SHISA6: variants seen among roughly 807,000 people sequenced by gnomAD.
SHISA6 encodes the protein protein shisa-6.
In SHISA6, 22 loss-of-function variants were observed where a neutral mutation model predicts 47.9. The observed-to-expected ratio is 0.46, with a 90% CI of 0.33 to 0.66. The LOEUF is 0.66. Among genes scored for constraint, SHISA6 ranks in the 30% least tolerant of loss-of-function variants. The pLI is 0.02. For synonymous variants in SHISA6, 388 were observed against 337.8 expected (o/e 1.15, Z -1.63); for missense variants, 680 against 764.6 (o/e 0.89, Z 1.30).
At chr17:11,296,305 A>T (rs534069128) in intron 2 of SHISA6, among the ~76,000 whole-genome samples, 1 of 152,288 alleles carries the variant, frequency 6.6e-6, no homozygotes, top group African/African-American at 2.4e-5. Flanking sequence ...ACTAGTTAAG[A>T]TTATAAGAGT....
At chr17:11,302,896 T>C (rs1420654152) in intron 2 of SHISA6, among the ~76,000 whole-genome samples, 2 of 151,798 alleles carry the variant, frequency 1.3e-5, no homozygotes, top group Non-Finnish European at 2.9e-5. Flanking sequence ...AAATGAGAGG[T>C]TTCTAGATGA....
At chr17:11,527,733 G>A (rs570079906) in intron 3 of SHISA6, among the ~76,000 whole-genome samples, 1 of 152,166 alleles carries the variant, frequency 6.6e-6, no homozygotes, top group South Asian at 2.1e-4. Context: ...ATTCTAGAAT[G>A]GTAGAATTAA....
chr17:11,299,619 C>G (rs1909854505), intron 2 of SHISA6, among the ~76,000 whole-genome samples: 1 of 152,126 alleles, frequency 6.6e-6, no homozygotes, highest in African/African-American at 2.4e-5. Flanking sequence ...CTTGCCTGTT[C>G]CAGCTTCTAG....
At chr17:11,417,845 T>A (rs1310231147) in intron 3 of SHISA6, among the ~76,000 whole-genome samples, 3 of 152,174 alleles carry the variant, frequency 2.0e-5, no homozygotes, top group African/African-American at 7.2e-5. Flanking sequence ...AGATAAGAGA[T>A]CTAGGAAAAT....
intron 3 of SHISA6, among the ~76,000 whole-genome samples, chr17:11,465,277 T>C (rs1364063633): frequency 1.3e-5 from 2 of 152,236 alleles, no homozygotes; most frequent in African/African-American, 4.8e-5. Flanking sequence ...GCATCGGCTA[T>C]AGCAATTGTG....
At chr17:11,497,527 G>A (rs1054847987) in intron 3 of SHISA6, among the ~76,000 whole-genome samples, 1 of 152,148 alleles carries the variant, frequency 6.6e-6, no homozygotes, top group African/African-American at 2.4e-5. Context: ...CTCCCTCCTC[G>A]ACACTTTAGA....
At chr17:11,261,947 G>T (rs1042638147) in intron 1 of SHISA6, among the ~76,000 whole-genome samples, 1 of 152,138 alleles carries the variant, frequency 6.6e-6, no homozygotes, top group Admixed American at 6.6e-5. Flanking sequence ...GTGTATGAAG[G>T]CTCCAATTTC....
At chr17:11,284,491 GC>G (rs1288040090) in intron 2 of SHISA6, among the ~76,000 whole-genome samples, 5 of 152,148 alleles carry the variant, frequency 3.3e-5, no homozygotes, top group Middle Eastern at 3.2e-3. Context: ...CACATATATT[GC>G]TGCCCCAAAT....
intron 2 of SHISA6, among the ~76,000 whole-genome samples, chr17:11,287,691 A>AAAGGG (rs1567561420): frequency 3.6e-3 from 9 of 2,490 alleles, no homozygotes; most frequent in Admixed American, 0.013. Context: ...AGAGAGAGAG[A>AAAGGG]GAAAGGGGAA....
At chr17:11,398,591 T>G (rs1482270967) in intron 3 of SHISA6, among the ~76,000 whole-genome samples, 2 of 150,680 alleles carry the variant, frequency 1.3e-5, no homozygotes, top group Non-Finnish European at 2.9e-5. Flanking sequence ...TTTGTTTGCT[T>G]GTTTTTTTGT....
At chr17:11,545,554 C>T (rs959481169) in intron 3 of SHISA6, among the ~76,000 whole-genome samples, 4 of 152,142 alleles carry the variant, frequency 2.6e-5, no homozygotes, top group African/African-American at 9.7e-5. Context: ...TACACAGGAT[C>T]TTTCTGTATT....
Position 11,378,116 on chromosome 17 carries a change from T to C in SHISA6, c.800-1298T>C, listed in dbSNP as rs372532068. Among the ~76,000 whole-genome samples, 7 of 152,306 alleles carry C rather than the reference T, an allele frequency of 4.6e-5. No individual in the cohort carries two copies. The South Asian group carries it at 1.0e-3, about 23-fold the overall frequency. On this transcript the variant is annotated intron_variant, in intron 2 of 5. Coordinates refer to ENST00000441885, the MANE Select transcript of SHISA6 (RefSeq NM_207386.4). The stretch of plus-strand genomic sequence containing the variant: ...CAATCTACTGATCCAGAAAGTGGCA[T>C]TACAAAAAATCACGCTTTGTGTTGT...
intron 2 of SHISA6, among the ~76,000 whole-genome samples, chr17:11,353,520 G>A: frequency 6.6e-6 from 1 of 151,180 alleles, no homozygotes; most frequent in East Asian, 1.9e-4. Context: ...TAACTTCATA[G>A]CTTAAGCTAC....
intron 2 of SHISA6, among the ~76,000 whole-genome samples, chr17:11,266,411 G>A (rs747970453): frequency 6.6e-6 from 1 of 152,180 alleles, no homozygotes; most frequent in African/African-American, 2.4e-5. Flanking sequence ...ATGAGAACCT[G>A]TAATTTGGTG....
At chr17:11,515,356 GGAAGGA>G (rs2071577064) in intron 3 of SHISA6, among the ~76,000 whole-genome samples, 1 of 149,788 alleles carries the variant, frequency 6.7e-6, no homozygotes, top group South Asian at 2.1e-4. Context: ...AAGGAAGGAA[GGAAGGA>G]AGGGAGAGAA....
chr17:11,507,589 C>A (rs559817936), intron 3 of SHISA6, among the ~76,000 whole-genome samples: 2 of 152,320 alleles, frequency 1.3e-5, no homozygotes, highest in African/African-American at 4.8e-5. Context: ...TCCTCTTTCC[C>A]TGGATCTCTG....
At chr17:11,306,017 G>C (rs1910097720) in intron 2 of SHISA6, among the ~76,000 whole-genome samples, 2 of 152,156 alleles carry the variant, frequency 1.3e-5, no homozygotes, top group African/African-American at 4.8e-5. Flanking sequence ...CTGCCACCGT[G>C]CCCCAAAGCA....
At chr17:11,337,226 G>A (rs1372702419) in intron 2 of SHISA6, among the ~76,000 whole-genome samples, 2 of 152,124 alleles carry the variant, frequency 1.3e-5, no homozygotes, top group African/African-American at 2.4e-5. Flanking sequence ...TGGGCAAAAC[G>A]CAAATGGTTG....
chr17:11,528,879 G>C (rs2071709309), intron 3 of SHISA6, among the ~76,000 whole-genome samples: 1 of 152,096 alleles, frequency 6.6e-6, no homozygotes, highest in Admixed American at 6.5e-5. Context: ...GATTCCCATA[G>C]CTGCTACTCT....
Sources: allele counts gnomAD v4.1 joint callset (sites outside exome capture counted in the v4.1 genomes callset), GRCh38; gene constraint gnomAD v4.1.1; transcripts MANE v1.5; gene names NCBI Gene and HGNC (gene_info 2026-07-23, HGNC 2026-07-21).